Variants in ADGRG6 observed in about 807,000 individuals in gnomAD.
ADGRG6 encodes the protein G-protein coupled receptor 126.
In ADGRG6, 84 loss-of-function variants were observed where a neutral mutation model predicts 142.4. The ratio of observed to expected loss-of-function variants is 0.59; its 90% CI spans 0.49 to 0.71. ADGRG6 has a LOEUF of 0.71. Ranked by LOEUF, ADGRG6 falls within the 30% of genes least tolerant of loss-of-function variation. The pLI is 0.00. For synonymous variants in ADGRG6, 521 were observed against 520.5 expected (o/e 1.00, Z -0.01); for missense variants, 1,367 against 1,466.6 (o/e 0.93, Z 1.11).
intron 21 of ADGRG6, among the ~76,000 whole-genome samples, chr6:142,417,621 A>G (rs1280798149): frequency 6.6e-6 from 1 of 152,192 alleles, no homozygotes; most frequent in Non-Finnish European, 1.5e-5. Context: ...TTTTAGCCTC[A>G]GAAGACCCAT....
chr6:142,428,073 G>T (rs1777037518), intron 22 of ADGRG6, among the ~76,000 whole-genome samples: 1 of 152,028 alleles, frequency 6.6e-6, no homozygotes, highest in African/African-American at 2.4e-5. Context: ...CAAAACTTTG[G>T]CTCAAGCATG....
chr6:142,313,704 A>G (rs1426202268), intron 2 of ADGRG6, among the ~76,000 whole-genome samples: 1 of 152,078 alleles, frequency 6.6e-6, no homozygotes, highest in African/African-American at 2.4e-5. Flanking sequence ...TTTATGTGTT[A>G]ATTTTTCTTA....
At chr6:142,371,055 C>G in intron 4 of ADGRG6, 2 of 394,730 alleles carry the variant, frequency 5.1e-6, no homozygotes, top group Non-Finnish European at 9.1e-6. Flanking sequence ...TTCCCTATGT[C>G]ATAAAATATC....
At chr6:142,318,612 T>C (rs892377083) in intron 2 of ADGRG6, among the ~76,000 whole-genome samples, 2 of 150,788 alleles carry the variant, frequency 1.3e-5, no homozygotes, top group Non-Finnish European at 2.9e-5. Context: ...AGAAGAGATC[T>C]CAGAAAAATT....
At chr6:142,357,092 C>G (rs990053466) in intron 2 of ADGRG6, among the ~76,000 whole-genome samples, 12 of 152,146 alleles carry the variant, frequency 7.9e-5, no homozygotes, top group Non-Finnish European at 5.9e-5. Context: ...TATTGTCCTT[C>G]CCACAGTGAT....
intron 2 of ADGRG6, among the ~76,000 whole-genome samples, chr6:142,365,853 A>G (rs2114844264): frequency 6.6e-6 from 1 of 152,358 alleles, no homozygotes; most frequent in African/African-American, 2.4e-5. Flanking sequence ...ATAGAAGAAT[A>G]GTAGTATTTG....
At chr6:142,434,527 T>C (rs1045410145) in intron 22 of ADGRG6, among the ~76,000 whole-genome samples, 1 of 152,118 alleles carries the variant, frequency 6.6e-6, no homozygotes, top group Admixed American at 6.5e-5. Flanking sequence ...GGTTTCACTA[T>C]GTTGGCCAGG....
chr6:142,340,371 G>A (rs1001014132), intron 2 of ADGRG6, among the ~76,000 whole-genome samples: 5 of 151,956 alleles, frequency 3.3e-5, no homozygotes, highest in African/African-American at 1.2e-4. Context: ...TATTATTCAA[G>A]GTTATTTGTG....
intron 2 of ADGRG6, among the ~76,000 whole-genome samples, chr6:142,358,711 C>A (rs1780571554): frequency 6.6e-6 from 1 of 151,598 alleles, no homozygotes; most frequent in African/African-American, 2.4e-5. Flanking sequence ...TTGAGACCAG[C>A]CTGACCAACA....
Position 142,367,575 on chromosome 6 carries a change from GA to G in ADGRG6, c.111del (p.Cys38ValfsTer44). 1 of 1,612,784 alleles carries G rather than the reference GA, an allele frequency of 6.2e-7. No homozygotes were observed. Among genetic ancestry groups the G allele is most frequent in the Non-Finnish European group, 8.5e-7 (1 of 1,179,138 alleles). ...YIMCVPHSVW[G>X]CANCRVVLSN... ...TCTTTTGTCTGGCCAGCAGTGTGGG[GA>G]TGTGCCAACTGCCGAGTGGTTTTGT... On this transcript the variant is annotated frameshift_variant, in exon 3 of 25. Transcript: ENST00000367609. LOFTEE classifies it high-confidence loss of function.
At chr6:142,427,402 C>T (rs1003170700) in intron 22 of ADGRG6, among the ~76,000 whole-genome samples, 5 of 152,156 alleles carry the variant, frequency 3.3e-5, no homozygotes, top group African/African-American at 1.2e-4. Context: ...TCAACAAGTT[C>T]CTCATCTCCA....
At chr6:142,413,631 T>C (rs564352189) in intron 18 of ADGRG6, among the ~76,000 whole-genome samples, 27 of 152,146 alleles carry the variant, frequency 1.8e-4, no homozygotes, top group Non-Finnish European at 3.4e-4. Context: ...ATGATTCATC[T>C]CTCTGGGCTG....
At chr6:142,321,697 A>T (rs1236638124) in intron 2 of ADGRG6, among the ~76,000 whole-genome samples, 1 of 152,132 alleles carries the variant, frequency 6.6e-6, no homozygotes, top group Non-Finnish European at 1.5e-5. Context: ...GGAGCAACGG[A>T]CTGGAAGGAG....
In ADGRG6 at chr6:142,433,267, C is replaced by G. The variant is rs145477816; in HGVS notation, c.3320-4167C>G. On this transcript the variant is annotated intron_variant, in intron 22 of 24. Transcript: ENST00000367609. ...CTCTATTTACCTTACCTCAGGCTTCCTTCAGTCCACTCTACTCTGTAACTG... is the reference window on the plus strand; with the variant it reads ...CTCTATTTACCTTACCTCAGGCTTCGTTCAGTCCACTCTACTCTGTAACTG... Among the ~76,000 whole-genome samples, 166 of 152,280 alleles carry G rather than the reference C, an allele frequency of 1.1e-3. 3 individuals are homozygous for G. The East Asian group carries it at 0.025, about 23-fold the overall frequency.
At chr6:142,335,669 G>T (rs1779275997) in intron 2 of ADGRG6, among the ~76,000 whole-genome samples, 1 of 152,136 alleles carries the variant, frequency 6.6e-6, no homozygotes, top group South Asian at 2.1e-4. Context: ...CAATCATGAA[G>T]TCTGATGAAA....
chr6:142,410,749 ATAT>A, intron 17 of ADGRG6, among the ~76,000 whole-genome samples: 1 of 152,134 alleles, frequency 6.6e-6, no homozygotes, highest in Non-Finnish European at 1.5e-5. Flanking sequence ...TTATCTTAAA[ATAT>A]TATTTAAATA....
chr6:142,437,785 T>A (rs1777555709), intron 23 of ADGRG6, among the ~76,000 whole-genome samples: 2 of 152,080 alleles, frequency 1.3e-5, no homozygotes, highest in South Asian at 2.1e-4. Context: ...AGGTTTGATG[T>A]CTAATTTAAT....
intron 9 of ADGRG6, 30 bp downstream of exon 9, chr6:142,393,988 A>C (rs1195262923): frequency 7.4e-7 from 1 of 1,359,358 alleles, no homozygotes; most frequent in East Asian, 2.5e-5. Flanking sequence ...TAAAGAGTAT[A>C]ACATTCTTTC....
Position 142,411,353 on chromosome 6 carries a change from C to A in ADGRG6, c.2483C>A (p.Ser828Ter), listed in dbSNP as rs1248403307. 1 of 1,609,592 alleles carries A rather than the reference C, an allele frequency of 6.2e-7. No individual in the cohort carries two copies. Residue 828 changes from serine (S) to a stop codon, truncating the protein, a stop_gained, in exon 18 of 25, where the codon TCA (serine) becomes TAA (stop). Transcript: ENST00000367609. LOFTEE classifies it high-confidence loss of function. ...NTSGCVAHRD[S>*]DASETVCLCN... ...TCAGGATGTGTTGCACACAGAGATTCAGATGCAAGTGAGACAGTCTGCCTG... is the reference window on the plus strand; with the variant it reads ...TCAGGATGTGTTGCACACAGAGATTAAGATGCAAGTGAGACAGTCTGCCTG...
Sources: allele counts gnomAD v4.1 joint callset (sites outside exome capture counted in the v4.1 genomes callset), GRCh38; gene constraint gnomAD v4.1.1; transcripts MANE v1.5; gene names NCBI Gene and HGNC (gene_info 2026-07-23, HGNC 2026-07-21).